EPN2: variants seen among roughly 807,000 people sequenced by gnomAD.
EPN2 encodes epsin 2, also known as epsin-2.
A neutral mutation model predicts 61.7 loss-of-function variants in EPN2; 34 were observed. The observed-to-expected ratio is 0.55, with a 90% CI of 0.42 to 0.73. The LOEUF is 0.73. Ranked by LOEUF, EPN2 falls within the 30% of genes least tolerant of loss-of-function variation. The pLI is 0.00. For synonymous variants in EPN2, 349 were observed against 353.6 expected, an observed-to-expected ratio of 0.99 and a Z score of 0.15; for missense variants, 714 against 839.2, an observed-to-expected ratio of 0.85 and a Z score of 1.84.
At chr17:19,289,075 T>TTTTG (rs2045433053) in intron 4 of EPN2, among the ~76,000 whole-genome samples, 2 of 67,916 alleles carry the variant, frequency 2.9e-5, no homozygotes, top group African/African-American at 2.5e-4. Context: ...TCTGGGTATG[T>TTTTG]TTTTTTTTTT....
intron 1 of EPN2, among the ~76,000 whole-genome samples, chr17:19,239,664 G>A (rs2044861775): frequency 6.6e-6 from 1 of 152,236 alleles, no homozygotes; most frequent in African/African-American, 2.4e-5. Flanking sequence ...CGGACCAGGA[G>A]CCAGTTCGGA....
At chr17:19,281,101 T>G (rs1490658346) in intron 1 of EPN2, among the ~76,000 whole-genome samples, 1 of 152,250 alleles carries the variant, frequency 6.6e-6, no homozygotes. Context: ...GGAACCTTTG[T>G]GTGTTCAGCC....
chr17:19,241,587 A>G (rs1457452167), intron 1 of EPN2, among the ~76,000 whole-genome samples: 2 of 142,166 alleles, frequency 1.4e-5, no homozygotes, highest in Non-Finnish European at 3.0e-5. Flanking sequence ...TCTGTCTCAA[A>G]AAAAAAAAAA....
intron 5 of EPN2, 55 bp downstream of exon 5, chr17:19,310,052 T>C: frequency 7.9e-7 from 1 of 1,258,948 alleles, no homozygotes; most frequent in Admixed American, 1.7e-5. Flanking sequence ...CAGGGTGGAG[T>C]GTGGCTCACT....
intron 1 of EPN2, among the ~76,000 whole-genome samples, chr17:19,238,825 T>A (rs747012127): frequency 1.3e-5 from 2 of 152,176 alleles, no homozygotes; most frequent in Non-Finnish European, 2.9e-5. Flanking sequence ...GAAAATATCC[T>A]GTGAAAGAAG....
chr17:19,295,062 C>CT (rs942125721), intron 4 of EPN2, among the ~76,000 whole-genome samples: 12 of 152,018 alleles, frequency 7.9e-5, no homozygotes, highest in African/African-American at 2.9e-4. Flanking sequence ...GTATCATATC[C>CT]TTTTTTACTA....
chr17:19,302,932 G>A (rs750310763), intron 4 of EPN2, among the ~76,000 whole-genome samples: 1 of 152,202 alleles, frequency 6.6e-6, no homozygotes, highest in Non-Finnish European at 1.5e-5. Flanking sequence ...CTCGGCCTGG[G>A]GTCAGGCCCA....
intron 10 of EPN2, 123 bp from the exon 11 acceptor site, chr17:19,333,833 G>A (rs954611349): frequency 1.0e-5 from 7 of 699,716 alleles, no homozygotes; most frequent in African/African-American, 5.5e-5. Flanking sequence ...GGACTCGGCC[G>A]GCACTGTCAC....
At position 19,328,807 on chromosome 17, in the gene EPN2, A is replaced by G; in HGVS notation, c.1244A>G (p.Gln415Arg). 6.2e-7 allele frequency: 1 copy of G among 1,613,692 alleles called. No individual in the cohort carries two copies. Among genetic ancestry groups the G allele is most frequent in the Non-Finnish European group, 8.5e-7 (1 of 1,179,748 alleles). Reference sequence around the variant, plus strand: ...AACTCGGACCCCTGGGCAGCTTCACAGCAGCCTGCCTCCAGTGCTGGGAAA... The same window carrying G: ...AACTCGGACCCCTGGGCAGCTTCACGGCAGCCTGCCTCCAGTGCTGGGAAA... ...PKNSDPWAAS[Q>R]QPASSAGKRA... Residue 415 changes from glutamine (Q) to arginine (R), a missense_variant, in exon 8 of 11, where the codon CAG becomes CGG. Transcript: ENST00000314728.
chr17:19,300,314 G>T (rs1237863730), intron 4 of EPN2, among the ~76,000 whole-genome samples: 14 of 151,992 alleles, frequency 9.2e-5, no homozygotes. Context: ...GGAAGGAGTG[G>T]TTCAGAAAGA....
chr17:19,241,584 CA>C (rs767439856), intron 1 of EPN2, among the ~76,000 whole-genome samples: 1,269 of 60,106 alleles, frequency 0.021, 15 homozygotes, highest in East Asian at 0.16. Flanking sequence ...GACTCTGTCT[CA>C]AAAAAAAAAA....
At chr17:19,293,536 T>TTC (rs774306149) in intron 4 of EPN2, among the ~76,000 whole-genome samples, 1 of 4,126 alleles carries the variant, frequency 2.4e-4, no homozygotes, top group East Asian at 1.6e-3. Flanking sequence ...ATACCCAGCT[T>TTC]TTTTTTTTTT....
Position 19,283,040 on chromosome 17 carries a change from C to A in EPN2, c.-80C>A. 1.0e-6 allele frequency: 1 copy of A among 985,720 alleles called. No homozygotes were observed. The highest frequency in any genetic ancestry group is 1.5e-6 in the Non-Finnish European group (1 of 668,456). 61.1% of individuals were successfully genotyped at this position (985,720 alleles called of 1,614,324 possible). ...TCCAGCTTGATTACGGAGACTGAAC[C>A]TTCATAGGGTGCGCACTTACCAAGG... On this transcript the variant is annotated 5_prime_UTR_variant, in exon 3 of 11. Transcript: ENST00000314728. The surrounding 1 kb of genome is among the most constrained non-coding windows in gnomAD (Gnocchi z 7.0).
In EPN2 at chr17:19,332,058, C is replaced by T. The variant is rs765549519; in HGVS notation, c.1617C>T (p.Phe539=). ...PAPPAQSLNP[F]LAPGAPATSA... ...CACCAGCCCAGTCCCTCAACCCTTTCCTGGCACCAGGTAGGCTCTCATCCC... is the reference window on the plus strand; with the variant it reads ...CACCAGCCCAGTCCCTCAACCCTTTTCTGGCACCAGGTAGGCTCTCATCCC... Residue 539 remains phenylalanine, a synonymous_variant, in exon 10 of 11, where the codon TTC becomes TTT. Coordinates refer to ENST00000314728, the MANE Select transcript of EPN2 (RefSeq NM_014964.5). The T allele has an allele frequency of 1.2e-6, 2 of 1,609,036 alleles. No individual in the cohort carries two copies. Among genetic ancestry groups the T allele is most frequent in the Non-Finnish European group, 8.5e-7 (1 of 1,179,114 alleles).
chr17:19,293,580 G>A (rs2045486470), intron 4 of EPN2, among the ~76,000 whole-genome samples: 1 of 140,408 alleles, frequency 7.1e-6, no homozygotes, highest in Admixed American at 7.4e-5. Context: ...TTTTGTAGAG[G>A]TGGGGTTTTG....
intron 9 of EPN2, among the ~76,000 whole-genome samples, chr17:19,331,586 G>T (rs1040108325): frequency 6.6e-6 from 1 of 151,732 alleles, no homozygotes; most frequent in African/African-American, 2.4e-5. Context: ...TATTCTGGAG[G>T]AATGAGCTAT....
chr17:19,259,794 GC>G (rs942225835), intron 1 of EPN2, among the ~76,000 whole-genome samples: 1 of 152,234 alleles, frequency 6.6e-6, no homozygotes, highest in Non-Finnish European at 1.5e-5. Context: ...CCTTGAGAGA[GC>G]GACCCCTCGC....
chr17:19,283,170 C>G lies in EPN2; in HGVS notation c.51C>G (p.Tyr17Ter). 6.2e-7 allele frequency: 1 copy of G among 1,613,954 alleles called. No individual in the cohort carries two copies. The highest frequency in any genetic ancestry group is 8.5e-7 in the Non-Finnish European group (1 of 1,179,964). The change falls in exon 3 of 11, where the codon TAC (tyrosine) becomes TAG (stop). Residue 17 changes from tyrosine (Y) to a stop codon, truncating the protein, a stop_gained. Transcript: ENST00000314728. LOFTEE classifies it high-confidence loss of function. This position sits in a 1 kb window ranked among gnomAD's most constrained non-coding sequence, Gnocchi z 7.0. ...AGATGAAAAACATCGTGAACAATTA[C>G]TCAGAGGCAGAAATCAAAGTCCGGG... The part of the protein sequence containing the change: ...RRQMKNIVNN[Y>*]SEAEIKVREA...
chr17:19,288,275 T>C (rs1008524181), intron 4 of EPN2, among the ~76,000 whole-genome samples: 3 of 152,246 alleles, frequency 2.0e-5, no homozygotes, highest in African/African-American at 7.2e-5. Flanking sequence ...CTCTGCTCTG[T>C]ATTTATTGAG....
Sources: allele counts gnomAD v4.1 joint callset (sites outside exome capture counted in the v4.1 genomes callset), GRCh38; gene constraint gnomAD v4.1.1; non-coding constraint Gnocchi (gnomAD v3.1); transcripts MANE v1.5; gene names NCBI Gene and HGNC (gene_info 2026-07-23, HGNC 2026-07-21).